Variants in ASTN2 observed in about 807,000 individuals in gnomAD.
The protein encoded by ASTN2 is astrotactin-2.
Under a neutral mutation model 139.8 loss-of-function variants are expected in ASTN2, and 54 were observed. That is an observed-to-expected ratio of 0.39 (90% CI 0.31 to 0.48). ASTN2 has a LOEUF of 0.48. Among genes scored for constraint, ASTN2 ranks in the 20% least tolerant of loss-of-function variants. ASTN2 has a pLI of 0.95. For missense variants in ASTN2, 1,565 were observed against 1,725.1 expected, an observed-to-expected ratio of 0.91 and a Z score of 1.64; for synonymous variants, 756 against 719.5, an observed-to-expected ratio of 1.05 and a Z score of -0.81.
intron 3 of ASTN2, among the ~76,000 whole-genome samples, chr9:117,210,820 A>C (rs1444758655): frequency 6.6e-6 from 1 of 152,022 alleles, no homozygotes; most frequent in Non-Finnish European, 1.5e-5. Flanking sequence ...GTACTAAAAA[A>C]CTGAATCCAA....
intron 4 of ASTN2, among the ~76,000 whole-genome samples, chr9:117,098,905 C>A (rs58592523): frequency 0.025 from 3,847 of 151,910 alleles, 192 homozygotes; most frequent in East Asian, 0.18. Context: ...TTCAGGAGTT[C>A]GAGACCAGCC....
At chr9:117,290,046 CA>C (rs2130781684) in intron 2 of ASTN2, among the ~76,000 whole-genome samples, 1 of 152,276 alleles carries the variant, frequency 6.6e-6, no homozygotes, top group African/African-American at 2.4e-5. Context: ...TGTGGAGTCT[CA>C]AAAAATACTG....
chr9:116,624,262 C>A (rs1316958850), intron 17 of ASTN2, among the ~76,000 whole-genome samples: 3 of 152,170 alleles, frequency 2.0e-5, no homozygotes, highest in Admixed American at 2.0e-4. Flanking sequence ...ACCTCAATTT[C>A]CCTATCTCCA....
At chr9:116,745,474 T>C (rs1829210091) in intron 13 of ASTN2, among the ~76,000 whole-genome samples, 1 of 152,210 alleles carries the variant, frequency 6.6e-6, no homozygotes, top group Non-Finnish European at 1.5e-5. Context: ...AATATCCTTC[T>C]GTTTCCACAG....
intron 19 of ASTN2, among the ~76,000 whole-genome samples, chr9:116,528,397 T>C (rs1851846068): frequency 6.6e-6 from 1 of 152,212 alleles, no homozygotes; most frequent in Non-Finnish European, 1.5e-5. Context: ...ATTCAAGAAA[T>C]GACCTGACTT....
intron 10 of ASTN2, among the ~76,000 whole-genome samples, chr9:116,892,705 G>A (rs940651253): frequency 3.9e-5 from 6 of 152,076 alleles, no homozygotes; most frequent in Admixed American, 1.3e-4. Flanking sequence ...CACTGTAATC[G>A]TTATTTTGCT....
At chr9:116,762,408 A>T (rs10733621) in intron 13 of ASTN2, among the ~76,000 whole-genome samples, 1 of 151,926 alleles carries the variant, frequency 6.6e-6, no homozygotes, top group Non-Finnish European at 1.5e-5. Flanking sequence ...ATTGACACTG[A>T]AGTGCTTTGA....
chr9:116,958,621 C>T (rs1588441300), intron 10 of ASTN2, among the ~76,000 whole-genome samples: 2 of 152,146 alleles, frequency 1.3e-5, no homozygotes, highest in East Asian at 1.9e-4. Flanking sequence ...GAGCCGACAT[C>T]TGGCCTCCTG....
chr9:117,131,338 T>C (rs1829822319), intron 4 of ASTN2, among the ~76,000 whole-genome samples: 1 of 152,170 alleles, frequency 6.6e-6, no homozygotes. Context: ...ATCAAAAGAC[T>C]GACAAAATAG....
chr9:116,426,760 A>G (rs1291230424), intron 22 of ASTN2, among the ~76,000 whole-genome samples: 18 of 152,082 alleles, frequency 1.2e-4, no homozygotes, highest in Admixed American at 1.2e-3. Flanking sequence ...ATATATATAT[A>G]TATATGTCCC....
rs981984023 is a variant in ASTN2, at chr9:116,597,421, C to T, written c.3355+20903G>A. On this transcript the variant is annotated intron_variant, in intron 19 of 22. Coordinates refer to ENST00000313400, the MANE Select transcript of ASTN2 (RefSeq NM_001365068.1). ...CTCCCAGGTTCAAGGGATTCCCCTG[C>T]TTCAGCCTCCCAAGTAGCGGGCCAC... Among the ~76,000 whole-genome samples, 11 of 148,032 alleles carry T rather than the reference C, an allele frequency of 7.4e-5. No homozygotes were observed. In the South Asian group the frequency reaches 2.0e-3, roughly 27 times the overall value.
intron 19 of ASTN2, among the ~76,000 whole-genome samples, chr9:116,557,242 A>G (rs974063405): frequency 9.3e-5 from 14 of 151,008 alleles, no homozygotes; most frequent in Non-Finnish European, 1.8e-4. Flanking sequence ...AAAAAAAAAA[A>G]AAAAAAAGAA....
intron 11 of ASTN2, among the ~76,000 whole-genome samples, chr9:116,835,528 A>G (rs1441894697): frequency 6.6e-6 from 1 of 152,206 alleles, no homozygotes; most frequent in Non-Finnish European, 1.5e-5. Flanking sequence ...AAGGGCAGCC[A>G]CTAAAAGACG....
intron 5 of ASTN2, among the ~76,000 whole-genome samples, chr9:117,091,219 G>A (rs2132744560): frequency 6.6e-6 from 1 of 152,298 alleles, no homozygotes; most frequent in African/African-American, 2.4e-5. Flanking sequence ...CCTCCATCCT[G>A]AACACCTATA....
intron 1 of ASTN2, among the ~76,000 whole-genome samples, chr9:117,339,228 T>G (rs921031815): frequency 6.6e-6 from 1 of 152,186 alleles, no homozygotes; most frequent in Non-Finnish European, 1.5e-5. Flanking sequence ...CAATTGACTT[T>G]GTTCCAGGTT....
intron 5 of ASTN2, among the ~76,000 whole-genome samples, chr9:117,058,417 A>G (rs1839131516): frequency 6.6e-6 from 1 of 152,220 alleles, no homozygotes; most frequent in Non-Finnish European, 1.5e-5. Context: ...TGAGCCCTGG[A>G]TTAAGTCCTT....
At chr9:116,588,338 T>G (rs1003307002) in intron 19 of ASTN2, among the ~76,000 whole-genome samples, 2 of 152,208 alleles carry the variant, frequency 1.3e-5, no homozygotes, top group Non-Finnish European at 2.9e-5. Context: ...GGAAAATACT[T>G]TAGCAGCACA....
At chr9:117,126,401 C>T (rs1829690380) in intron 4 of ASTN2, among the ~76,000 whole-genome samples, 1 of 152,212 alleles carries the variant, frequency 6.6e-6, no homozygotes, top group Non-Finnish European at 1.5e-5. Context: ...TACTTCATGT[C>T]TCTGAACATC....
At chr9:117,208,762 A>G (rs569580128) in intron 3 of ASTN2, among the ~76,000 whole-genome samples, 2 of 152,308 alleles carry the variant, frequency 1.3e-5, no homozygotes, top group East Asian at 3.9e-4. Context: ...GGTCACATAA[A>G]AGGGAATTTT....
Sources: gnomAD v4.1 joint callset for allele counts (sites outside exome capture counted in the v4.1 genomes callset) on GRCh38, gnomAD v4.1.1 for gene constraint, MANE v1.5 for transcripts, NCBI Gene and HGNC (gene_info 2026-07-23, HGNC 2026-07-21) for gene names.